The following NLGN1 variants were observed in gnomAD, a reference collection of about 807,000 sequenced individuals.
The protein encoded by NLGN1 is neuroligin 1.
NLGN1 carries 12 observed loss-of-function variants against 65.5 expected under a neutral mutation model. The observed-to-expected ratio is 0.18, with a 90% CI of 0.12 to 0.30. The LOEUF is 0.30. Among genes scored for constraint, NLGN1 ranks in the 10% least tolerant of loss-of-function variants. The pLI is 1.00. For missense variants in NLGN1, 750 were observed against 1,007.1 expected, an observed-to-expected ratio of 0.74 and a Z score of 3.46; for synonymous variants, 350 against 359.5, an observed-to-expected ratio of 0.97 and a Z score of 0.30.
upstream of NLGN1, among the ~76,000 whole-genome samples, chr3:173,396,060 TGGCGGC>T (rs879786935): frequency 4.0e-5 from 6 of 151,572 alleles, no homozygotes; most frequent in African/African-American, 7.3e-5. Flanking sequence ...CAGGTAGCAG[TGGCGGC>T]GGCGGCGGCG....
chr3:174,008,217 G>GA (rs1560830700), intron 4 of NLGN1, among the ~76,000 whole-genome samples: 1 of 152,030 alleles, frequency 6.6e-6, no homozygotes, highest in Non-Finnish European at 1.5e-5. Flanking sequence ...AAGATTAATA[G>GA]AAAGATCTCA....
At chr3:174,112,479 C>G (rs142712749) in intron 4 of NLGN1, among the ~76,000 whole-genome samples, 1 of 151,884 alleles carries the variant, frequency 6.6e-6, no homozygotes, top group African/African-American at 2.4e-5. Flanking sequence ...CTGAACCGAT[C>G]ACAGCAACTT....
At chr3:173,740,143 A>G (rs1196569101) in intron 3 of NLGN1, among the ~76,000 whole-genome samples, 2 of 152,090 alleles carry the variant, frequency 1.3e-5, no homozygotes, top group African/African-American at 4.8e-5. Flanking sequence ...GATGGGTCCA[A>G]CTCATTGCAA....
intron 4 of NLGN1, among the ~76,000 whole-genome samples, chr3:173,979,751 T>C (rs181361174): frequency 1.1e-3 from 161 of 152,276 alleles, no homozygotes; most frequent in African/African-American, 3.7e-3. Context: ...TATTTTTGTG[T>C]CATTATTCTA....
At chr3:173,774,200 T>C (rs947815864) in intron 3 of NLGN1, among the ~76,000 whole-genome samples, 2 of 152,230 alleles carry the variant, frequency 1.3e-5, no homozygotes, top group Non-Finnish European at 1.5e-5. Context: ...AAGCCTTTGA[T>C]ATATAGTCCT....
chr3:173,604,491 C>A, exon 3 of NLGN1: 1 of 1,228,394 alleles, frequency 8.1e-7, no homozygotes, highest in East Asian at 2.3e-5. Context: ...CGACAAGCTC[C>A]CCTGTAAGAA....
chr3:174,157,093 A>G (rs1725579478), intron 4 of NLGN1, among the ~76,000 whole-genome samples: 1 of 151,592 alleles, frequency 6.6e-6, no homozygotes, highest in Non-Finnish European at 1.5e-5. Context: ...CTAATGCAAG[A>G]ATTTCAAAGG....
rs1251656137 is a variant in NLGN1 at position 173,967,279 on chromosome 3, C to G, written c.646+159447C>G. Among the ~76,000 whole-genome samples, 4 of 152,180 alleles carry G rather than the reference C, an allele frequency of 2.6e-5. No individual in the cohort carries two copies. The East Asian group carries it at 7.7e-4, about 29-fold the overall frequency. On this transcript the variant is annotated intron_variant, in intron 4 of 6. Transcript: ENST00000457714. ...TGGACAGTGATAGCAGCAAACAGAC[C>G]ATGCTGGTGCACAGCAATCGGAATT...
At chr3:173,926,095 A>T (rs934531771) in intron 4 of NLGN1, among the ~76,000 whole-genome samples, 6 of 152,036 alleles carry the variant, frequency 3.9e-5, no homozygotes, top group Non-Finnish European at 8.8e-5. Context: ...AAAAAATGAA[A>T]TACATTTAGA....
chr3:173,858,848 G>T (rs1728523708), intron 4 of NLGN1, among the ~76,000 whole-genome samples: 1 of 151,876 alleles, frequency 6.6e-6, no homozygotes, highest in African/African-American at 2.4e-5. Flanking sequence ...ACTTCTCCTA[G>T]GTCTGAAAAT....
Position 173,584,399 on chromosome 3 carries a change from ATTTTTTTTTTTTTTTT to A in NLGN1, c.-320-19862_-320-19847del, listed in dbSNP as rs66827074. On this transcript the variant is annotated intron_variant, in intron 2 of 6. Coordinates refer to ENST00000457714, the Ensembl canonical transcript of NLGN1. ...TTAGGGTAAAACCAGGGTCCTCGGC[ATTTTTTTTTTTTTTTT>A]TTTTTTTTTTTTTTTTTGCGAGGAG... 1.2e-3 allele frequency among the ~76,000 whole-genome samples: 38 copies of A among 30,826 alleles called. No homozygotes were observed. In the South Asian group the frequency reaches 0.013, roughly 10 times the overall value. 20.2% of individuals were successfully genotyped at this position (30,826 alleles called of 152,430 possible).
In NLGN1 at chr3:174,255,619, CTCTT is replaced by C. The variant is rs540195248; in HGVS notation, c.647-19686_647-19683del. 7.2e-3 allele frequency among the ~76,000 whole-genome samples: 840 copies of C among 116,760 alleles called. 10 individuals are homozygous for C. Among genetic ancestry groups the C allele is most frequent in the African/African-American group, 0.035 (777 of 22,336 alleles). 76.6% of individuals were successfully genotyped at this position (116,760 alleles called of 152,430 possible). ...GGTTATTATAGAACTAAGTCTTTTT[CTCTT>C]TCTTTCTTTTCTTCTATTTATTTAT... On this transcript the variant is annotated intron_variant, in intron 4 of 6. Transcript: ENST00000457714.
At chr3:173,819,954 CTTCCT>C (rs1047187354) in intron 4 of NLGN1, among the ~76,000 whole-genome samples, 1 of 152,104 alleles carries the variant, frequency 6.6e-6, no homozygotes, top group African/African-American at 2.4e-5. Flanking sequence ...CTTGCACAGG[CTTCCT>C]TTCAAGTCCC....
intron 4 of NLGN1, among the ~76,000 whole-genome samples, chr3:173,915,683 T>C (rs1740584416): frequency 6.6e-6 from 1 of 152,210 alleles, no homozygotes; most frequent in Non-Finnish European, 1.5e-5. Flanking sequence ...GTAAGTTTGC[T>C]AGAAATAGTC....
intron 2 of NLGN1, among the ~76,000 whole-genome samples, chr3:173,494,374 C>T (rs1300824489): frequency 1.3e-5 from 2 of 150,736 alleles, no homozygotes; most frequent in African/African-American, 4.9e-5. Flanking sequence ...TTGTTCTGCC[C>T]ATTTGTTTTA....
At chr3:173,990,874 T>C (rs1720953339) in intron 4 of NLGN1, among the ~76,000 whole-genome samples, 1 of 152,198 alleles carries the variant, frequency 6.6e-6, no homozygotes, top group South Asian at 2.1e-4. Flanking sequence ...CATTTTCTTA[T>C]TAAAACATTT....
chr3:173,848,609 C>G (rs1203361141), intron 4 of NLGN1, among the ~76,000 whole-genome samples: 1 of 152,120 alleles, frequency 6.6e-6, no homozygotes, highest in Non-Finnish European at 1.5e-5. Flanking sequence ...AATGTAATGC[C>G]ATTTTCCCCT....
At chr3:173,656,012 T>G (rs1004254082) in intron 3 of NLGN1, among the ~76,000 whole-genome samples, 11 of 152,144 alleles carry the variant, frequency 7.2e-5, no homozygotes, top group Non-Finnish European at 2.9e-5. Flanking sequence ...AAGAATTTTT[T>G]GGGGGTTTAA....
At chr3:174,100,516 G>A (rs903845380) in intron 4 of NLGN1, among the ~76,000 whole-genome samples, 1 of 145,936 alleles carries the variant, frequency 6.9e-6, no homozygotes, top group African/African-American at 2.7e-5. Flanking sequence ...TGGCCCACAA[G>A]CCCCCTTAGG....
Sources: gnomAD v4.1 joint callset for allele counts (sites outside exome capture counted in the v4.1 genomes callset) on GRCh38, gnomAD v4.1.1 for gene constraint, MANE v1.5 for transcripts, NCBI Gene and HGNC (gene_info 2026-07-23, HGNC 2026-07-21) for gene names.